Variants in DCLK1 observed in about 807,000 individuals in gnomAD.
The protein encoded by DCLK1 is serine/threonine-protein kinase DCLK1.
In DCLK1, 16 loss-of-function variants were observed where a neutral mutation model predicts 86.2. That is an observed-to-expected ratio of 0.19 (90% CI 0.13 to 0.28). The LOEUF (loss-of-function observed/expected upper bound fraction) is 0.28. Among genes scored for constraint, DCLK1 ranks in the 10% least tolerant of loss-of-function variants. The pLI is 1.00. For missense variants in DCLK1, 590 were observed against 940.2 expected (o/e 0.63, Z 4.87); for synonymous variants, 369 against 370.5 (o/e 1.00, Z 0.05).
chr13:35,924,534 C>T (rs971272507), intron 4 of DCLK1, among the ~76,000 whole-genome samples: 5 of 152,202 alleles, frequency 3.3e-5, no homozygotes, highest in Admixed American at 2.0e-4. Context: ...CACCTGTAGT[C>T]CCAGCTACTC....
At chr13:35,976,398 CTCAGCAACACT>C (rs1305921877) in intron 3 of DCLK1, among the ~76,000 whole-genome samples, 2 of 152,048 alleles carry the variant, frequency 1.3e-5, no homozygotes, top group Non-Finnish European at 2.9e-5. Flanking sequence ...CCCTAACAGC[CTCAGCAACACT>C]TCTGGGCAGG....
At chr13:35,870,907 G>C (rs562581811) in intron 5 of DCLK1, among the ~76,000 whole-genome samples, 1 of 152,192 alleles carries the variant, frequency 6.6e-6, no homozygotes, top group African/African-American at 2.4e-5. Context: ...TAGAATAAAT[G>C]CTTTAACAGA....
chr13:35,901,491 C>CAAAAAAAAAAAAAAAAAAA (rs58801666), intron 4 of DCLK1, among the ~76,000 whole-genome samples: 3 of 45,878 alleles, frequency 6.5e-5, no homozygotes, highest in African/African-American at 2.9e-4. Flanking sequence ...GACTCTGTCT[C>CAAAAAAAAAAAAAAAAAAA]AAAAAAAAAA....
chr13:35,889,498 T>C (rs1191600986), intron 4 of DCLK1, among the ~76,000 whole-genome samples: 1 of 152,176 alleles, frequency 6.6e-6, no homozygotes, highest in Non-Finnish European at 1.5e-5. Flanking sequence ...CAGACTTGTT[T>C]CTCTGTCTTT....
intron 4 of DCLK1, among the ~76,000 whole-genome samples, chr13:35,904,138 G>C (rs1426120658): frequency 6.6e-6 from 1 of 152,028 alleles, no homozygotes; most frequent in African/African-American, 2.4e-5. Flanking sequence ...TATTAAAACA[G>C]CATTTCAAGC....
At chr13:35,848,719 A>G (rs1870391749) in intron 6 of DCLK1, 1 of 985,338 alleles carries the variant, frequency 1.0e-6, no homozygotes, top group African/African-American at 1.7e-5. Context: ...ATTGGAATTT[A>G]TTTTTGTTCT....
chr13:35,904,878 T>C (rs913706291), intron 4 of DCLK1, among the ~76,000 whole-genome samples: 8 of 152,222 alleles, frequency 5.3e-5, no homozygotes, highest in African/African-American at 1.7e-4. Flanking sequence ...TCTAGTCACC[T>C]TTTCTAAGGT....
At chr13:35,955,244 C>G (rs1877916111) in intron 3 of DCLK1, among the ~76,000 whole-genome samples, 1 of 151,902 alleles carries the variant, frequency 6.6e-6, no homozygotes, top group Non-Finnish European at 1.5e-5. Flanking sequence ...AAAAATGTGT[C>G]TCTTAGTCCA....
chr13:36,092,924 A>G (rs960847125), intron 3 of DCLK1, among the ~76,000 whole-genome samples: 3 of 152,124 alleles, frequency 2.0e-5, no homozygotes, highest in African/African-American at 7.2e-5. Context: ...TGCACAAAAT[A>G]GGTATAATCT....
At chr13:35,788,813 CT>C (rs1380256393) in intron 16 of DCLK1, among the ~76,000 whole-genome samples, 2 of 152,092 alleles carry the variant, frequency 1.3e-5, no homozygotes, top group Non-Finnish European at 2.9e-5. Context: ...AAAGGTGAAT[CT>C]TTTCTTTTCT....
At chr13:36,008,234 TA>T (rs1296545225) in intron 3 of DCLK1, among the ~76,000 whole-genome samples, 6 of 109,732 alleles carry the variant, frequency 5.5e-5, no homozygotes, top group East Asian at 3.4e-4. Flanking sequence ...ATTATTTTTT[TA>T]ATTATACTTT....
At chr13:35,884,916 C>T (rs1873138036) in intron 4 of DCLK1, among the ~76,000 whole-genome samples, 1 of 152,200 alleles carries the variant, frequency 6.6e-6, no homozygotes, top group African/African-American at 2.4e-5. Flanking sequence ...AAAGCCACAG[C>T]CTCTGTGCTG....
chr13:35,958,064 TAG>T (rs1878137654), intron 3 of DCLK1, among the ~76,000 whole-genome samples: 6 of 6,464 alleles, frequency 9.3e-4, no homozygotes, highest in African/African-American at 4.4e-3. Flanking sequence ...CTATAACCAC[TAG>T]CACCACCACC....
rs370010738 is a variant in DCLK1 at position 35,967,635 on chromosome 13, G to A, written c.724-20178C>T. On this transcript the variant is annotated intron_variant, in intron 3 of 16. Coordinates refer to ENST00000360631, the MANE Select transcript of DCLK1 (RefSeq NM_001330071.2). The stretch of plus-strand genomic sequence containing the variant: ...ACAGATGCTTGAAGGCAGCATACTC[G>A]TTAAGAGTCATCACCACTCCCTAAT... Among the ~76,000 whole-genome samples, 911 of 152,026 alleles carry A rather than the reference G, an allele frequency of 6.0e-3. 15 individuals are homozygous for A. Among genetic ancestry groups the A allele is most frequent in the African/African-American group, 0.021 (862 of 41,380 alleles).
chr13:35,986,579 TC>T (rs1410281880), intron 3 of DCLK1, among the ~76,000 whole-genome samples: 1 of 152,166 alleles, frequency 6.6e-6, no homozygotes, highest in Non-Finnish European at 1.5e-5. Flanking sequence ...ATAGAAGTGA[TC>T]ACCTCTTTCA....
chr13:36,033,272 T>C (rs1221992000), intron 3 of DCLK1, among the ~76,000 whole-genome samples: 1 of 152,210 alleles, frequency 6.6e-6, no homozygotes. Context: ...TTATTGCCCA[T>C]GTAATTTTGG....
intron 3 of DCLK1, among the ~76,000 whole-genome samples, chr13:36,037,515 CCT>C (rs1350303615): frequency 6.6e-6 from 1 of 151,698 alleles, no homozygotes; most frequent in Non-Finnish European, 1.5e-5. Flanking sequence ...ATGGAGTCTC[CCT>C]CTGTTGCCCA....
chr13:35,889,990 T>C (rs1181803321), intron 4 of DCLK1, among the ~76,000 whole-genome samples: 1 of 152,158 alleles, frequency 6.6e-6, no homozygotes, highest in East Asian at 1.9e-4. Flanking sequence ...TTAAAGGATA[T>C]CCGAACAGAT....
chr13:35,831,110 G>T (rs1166357787), intron 8 of DCLK1, among the ~76,000 whole-genome samples: 1 of 152,140 alleles, frequency 6.6e-6, no homozygotes, highest in African/African-American at 2.4e-5. Context: ...GGCTTACTAG[G>T]AACAAAGACC....
Sources: gnomAD v4.1 joint callset for allele counts (sites outside exome capture counted in the v4.1 genomes callset) on GRCh38, gnomAD v4.1.1 for gene constraint, MANE v1.5 for transcripts, NCBI Gene and HGNC (gene_info 2026-07-23, HGNC 2026-07-21) for gene names.